The following FRMPD4 variants were observed in gnomAD, a reference collection of about 807,000 sequenced individuals.
The protein encoded by FRMPD4 is FERM and PDZ domain containing 4.
FRMPD4 carries 22 observed loss-of-function variants against 94.1 expected under a neutral mutation model. That is an observed-to-expected ratio of 0.23 (90% CI 0.17 to 0.33). FRMPD4 has a LOEUF of 0.33. Ranked by LOEUF, FRMPD4 falls within the 10% of genes least tolerant of loss-of-function variation. The pLI, the probability that FRMPD4 is intolerant of heterozygous loss-of-function variation, is 1.00. For missense variants in FRMPD4, 1,111 were observed against 1,339.9 expected (o/e 0.83, Z 2.67); for synonymous variants, 631 against 548.6 (o/e 1.15, Z -2.10).
chrX:12,681,595 C>A (rs2059972358), intron 5 of FRMPD4, among the ~76,000 whole-genome samples: 1 of 110,521 alleles, frequency 9.0e-6, no homozygotes, highest in African/African-American at 3.3e-5. Flanking sequence ...TTTATCCAGT[C>A]TTCTAAGACA....
chrX:12,113,015 G>A (rs777302825), intron 3 of FRMPD4, among the ~76,000 whole-genome samples: 1 of 111,734 alleles, frequency 8.9e-6, no homozygotes, highest in East Asian at 2.8e-4. Context: ...AGTTTTGGGG[G>A]AAATATACTC....
intron 1 of FRMPD4, among the ~76,000 whole-genome samples, chrX:12,424,962 T>G (rs998727828): frequency 1.8e-4 from 14 of 76,962 alleles, no homozygotes; most frequent in Non-Finnish European, 4.1e-4. Context: ...AGTAATTCAG[T>G]TTTTTTTCCC....
chrX:11,859,104 G>A (rs866415498), intron 1 of FRMPD4, among the ~76,000 whole-genome samples: 7 of 111,900 alleles, frequency 6.3e-5, no homozygotes, highest in East Asian at 5.6e-4. Flanking sequence ...CAACATTTGC[G>A]TACATAATAT....
chrX:12,174,765 T>C (rs1374712017), intron 1 of FRMPD4, among the ~76,000 whole-genome samples: 1 of 112,111 alleles, frequency 8.9e-6, no homozygotes, highest in African/African-American at 3.2e-5. Context: ...TTGAGACCCA[T>C]TGATATCAAT....
intron 1 of FRMPD4, among the ~76,000 whole-genome samples, chrX:12,434,285 G>C (rs2057040172): frequency 8.9e-6 from 1 of 112,173 alleles, no homozygotes; most frequent in Non-Finnish European, 1.9e-5. Context: ...CAAATTACAA[G>C]TTTCCTAAGT....
intron 1 of FRMPD4, among the ~76,000 whole-genome samples, chrX:12,434,791 G>A (rs2057046609): frequency 8.9e-6 from 1 of 112,624 alleles, no homozygotes; most frequent in Admixed American, 9.3e-5. Context: ...AATGGGTGTT[G>A]GGGGAAAGCC....
intron 2 of FRMPD4, 56 bp downstream of exon 2, chrX:12,498,852 CTTTG>C: frequency 3.1e-6 from 2 of 645,789 alleles, no homozygotes; most frequent in Non-Finnish European, 4.9e-6. Flanking sequence ...ACTTCTTTAT[CTTTG>C]TTTATGAGAA....
At chrX:12,130,429 T>G (rs916683052) in intron 3 of FRMPD4, among the ~76,000 whole-genome samples, 82 of 110,710 alleles carry the variant, frequency 7.4e-4, no homozygotes, top group Non-Finnish European at 1.2e-3. Context: ...TCAGGTGGTC[T>G]TGAGAAGGAA....
At chrX:12,118,844 GTTTTC>G (rs1284004744) in intron 3 of FRMPD4, among the ~76,000 whole-genome samples, 1 of 111,956 alleles carries the variant, frequency 8.9e-6, no homozygotes, top group African/African-American at 3.2e-5. Context: ...GCTGAAAGCT[GTTTTC>G]TTTTTCTCTT....
chrX:12,526,182 C>T (rs947816283), intron 2 of FRMPD4, among the ~76,000 whole-genome samples: 6 of 112,383 alleles, frequency 5.3e-5, no homozygotes, highest in African/African-American at 1.9e-4. Context: ...TAGCCATCTG[C>T]AGGCTCCCCT....
intron 1 of FRMPD4, among the ~76,000 whole-genome samples, chrX:12,403,913 A>ACT (rs1202463154): frequency 8.9e-6 from 1 of 111,839 alleles, no homozygotes; most frequent in Non-Finnish European, 1.9e-5. Flanking sequence ...TGACTCAGAT[A>ACT]GTGTGTACCA....
At chrX:12,280,271 T>C (rs985955240) in intron 1 of FRMPD4, among the ~76,000 whole-genome samples, 5 of 108,302 alleles carry the variant, frequency 4.6e-5, no homozygotes, top group Non-Finnish European at 9.5e-5. Context: ...ATAATAATAA[T>C]AATAATAAAA....
chrX:11,976,415 G>A (rs1256593495), intron 3 of FRMPD4, among the ~76,000 whole-genome samples: 1 of 112,196 alleles, frequency 8.9e-6, no homozygotes, highest in East Asian at 2.8e-4. Flanking sequence ...CAGCTTTGAT[G>A]TTCTGGCATG....
Position 12,138,661 on chromosome X carries a change from G to A in FRMPD4, c.-311G>A, listed in dbSNP as rs1475330462. On this transcript the variant is annotated 5_prime_UTR_variant, in exon 1 of 17. Coordinates refer to ENST00000675598, the MANE Select transcript of FRMPD4 (RefSeq NM_001368397.1). ...CCGGGGCTAGAGCGCACGGGGCGGGGCGCGAGACCCGGGCCGCGCTCCCCG... is the reference window on the plus strand; with the variant it reads ...CCGGGGCTAGAGCGCACGGGGCGGGACGCGAGACCCGGGCCGCGCTCCCCG... 4.7e-5 allele frequency: 14 copies of A among 296,870 alleles called. No individual in the cohort carries two copies. In the East Asian group the frequency reaches 6.8e-4, roughly 14 times the overall value. 24.5% of individuals were successfully genotyped at this position (296,870 alleles called of 1,213,427 possible). A position where few individuals can be genotyped will look rare whatever the true frequency, so the allele number is the denominator to read the frequency against.
At chrX:12,436,494 C>G (rs1239175703) in intron 1 of FRMPD4, among the ~76,000 whole-genome samples, 2 of 111,164 alleles carry the variant, frequency 1.8e-5, no homozygotes, top group African/African-American at 6.5e-5. Flanking sequence ...CTTCTTCTTG[C>G]TTCATTTGGC....
chrX:12,249,674 G>A lies in FRMPD4; in HGVS notation c.41+110662G>A, dbSNP rs551656436. On this transcript the variant is annotated intron_variant, in intron 1 of 16. Transcript: ENST00000675598. ...AGAAAAGCGGGATGCCTTTGAAAGTGTGTGCTTAATAACCAGAAGTATACT... is the reference window on the plus strand; with the variant it reads ...AGAAAAGCGGGATGCCTTTGAAAGTATGTGCTTAATAACCAGAAGTATACT... 1.2e-4 allele frequency among the ~76,000 whole-genome samples: 13 copies of A among 111,735 alleles called. No individual in the cohort carries two copies. In the East Asian group the frequency reaches 1.7e-3, roughly 14 times the overall value.
chrX:12,166,320 TG>T (rs1365167312), intron 1 of FRMPD4, among the ~76,000 whole-genome samples: 1 of 112,292 alleles, frequency 8.9e-6, no homozygotes, highest in East Asian at 2.8e-4. Context: ...ATGTGGTTTT[TG>T]TTTTTGGTTC....
chrX:12,127,598 T>C (rs1463359262), intron 3 of FRMPD4, among the ~76,000 whole-genome samples: 1 of 111,405 alleles, frequency 9.0e-6, no homozygotes, highest in Non-Finnish European at 1.9e-5. Flanking sequence ...ATTCTGCCCC[T>C]GGCCCCTCCC....
intron 1 of FRMPD4, among the ~76,000 whole-genome samples, chrX:12,340,135 T>C (rs765424448): frequency 2.7e-5 from 3 of 112,529 alleles, no homozygotes; most frequent in Non-Finnish European, 3.8e-5. Flanking sequence ...GGTTCTCAGA[T>C]TGCCAAGTAT....
Sources: gnomAD v4.1 joint callset for allele counts (sites outside exome capture counted in the v4.1 genomes callset) on GRCh38, gnomAD v4.1.1 for gene constraint, MANE v1.5 for transcripts, NCBI Gene and HGNC (gene_info 2026-07-23, HGNC 2026-07-21) for gene names.